Variants in BEND7 observed in about 807,000 individuals in gnomAD.
BEND7 encodes BEN domain containing 7, also known as BEN domain-containing protein 7.
A neutral mutation model predicts 50.9 loss-of-function variants in BEND7; 28 were observed. The observed-to-expected ratio is 0.55, with a 90% CI of 0.41 to 0.75. The LOEUF (loss-of-function observed/expected upper bound fraction) is 0.75. Among genes scored for constraint, BEND7 ranks in the 30% least tolerant of loss-of-function variants. The pLI, the probability that BEND7 is intolerant of heterozygous loss-of-function variation, is 0.00. For synonymous variants in BEND7, 170 were observed against 183.9 expected (o/e 0.92, Z 0.61); for missense variants, 477 against 491.3 (o/e 0.97, Z 0.28).
chr10:13,510,841 G>GTGGT (rs898406313), intron 2 of BEND7, among the ~76,000 whole-genome samples: 1 of 152,094 alleles, frequency 6.6e-6, no homozygotes, highest in Non-Finnish European at 1.5e-5. Flanking sequence ...ATTGGTAATA[G>GTGGT]TGGTTATCAC....
chr10:13,528,341 G>A lies in BEND7; in HGVS notation c.61+132C>T, dbSNP rs567995353. The A allele has an allele frequency of 3.5e-3, 857 of 241,596 alleles. 1 individual carries two copies. The highest frequency in any genetic ancestry group is 4.8e-3 in the Non-Finnish European group (727 of 150,496). 15.0% of individuals were successfully genotyped at this position (241,596 alleles called of 1,614,324 possible). A position where few individuals can be genotyped will look rare whatever the true frequency, so the allele number is the denominator to read the frequency against. ...TGTGCGGCCGCGGCCCTGCCTGCCA[G>A]CCCGGCGGAGGCACCGGGGGACCGG... is the stretch of plus-strand genomic sequence containing the variant. On this transcript the variant is annotated intron_variant, in intron 1 of 8. Coordinates refer to ENST00000466271, the MANE Select transcript of BEND7 (RefSeq NM_001369863.1).
chr10:13,491,464 C>T (rs369960113), intron 5 of BEND7, among the ~76,000 whole-genome samples: 1 of 151,706 alleles, frequency 6.6e-6, no homozygotes, highest in African/African-American at 2.4e-5. Context: ...ATTGCATGAG[C>T]TGACTGGTCC....
chr10:13,470,884 G>A (rs528409519), intron 6 of BEND7, among the ~76,000 whole-genome samples: 2 of 152,304 alleles, frequency 1.3e-5, no homozygotes, highest in African/African-American at 4.8e-5. Context: ...AAGTTGCTGA[G>A]GACTTAAGGT....
chr10:13,499,895 G>T lies in BEND7; in HGVS notation c.331C>A (p.Pro111Thr). 1 of 1,614,168 alleles carries T rather than the reference G, an allele frequency of 6.2e-7. No homozygotes were observed. The highest frequency in any genetic ancestry group is 1.6e-4 in the Middle Eastern group (1 of 6,062). The change falls in exon 3 of 9, where the codon CCG becomes ACG. Residue 111 changes from proline to threonine, a missense_variant. Transcript: ENST00000466271. The part of the protein sequence containing the change: ...SSAEAPQSLH[P>T]SSRGVWNELP... The stretch of plus-strand genomic sequence containing the variant: ...TCATTCCACACACCACGTGAAGACG[G>T]GTGGAGGCTTTGCGGGGCCTCAGCA...
At chr10:13,447,859 A>C (rs1588626960) in intron 7 of BEND7, among the ~76,000 whole-genome samples, 1 of 152,194 alleles carries the variant, frequency 6.6e-6, no homozygotes, top group Admixed American at 6.5e-5. Context: ...ACTTATTTAC[A>C]TAGGCTTGAA....
intron 6 of BEND7, among the ~76,000 whole-genome samples, chr10:13,477,608 G>A (rs937048472): frequency 7.9e-5 from 12 of 152,168 alleles, no homozygotes; most frequent in Non-Finnish European, 1.3e-4. Context: ...ATACAGTAAA[G>A]AAAAATGTAT....
intron 2 of BEND7, among the ~76,000 whole-genome samples, chr10:13,503,776 G>A (rs1415885957): frequency 1.3e-5 from 2 of 152,232 alleles, no homozygotes; most frequent in African/African-American, 4.8e-5. Context: ...TGCAGTAACT[G>A]CAGAAGTCTG....
chr10:13,528,372 A>C, intron 1 of BEND7, 101 bp downstream of exon 1: 1 of 441,324 alleles, frequency 2.3e-6, no homozygotes, highest in Non-Finnish European at 3.0e-6. Context: ...ACCGGGAAGG[A>C]CCGGGGGCTC....
At position 13,526,451 on chromosome 10, in the gene BEND7, G is replaced by A. The variant is rs139433322; in HGVS notation, c.62-230C>T. On this transcript the variant is annotated intron_variant, in intron 1 of 8. Coordinates refer to ENST00000466271, the MANE Select transcript of BEND7 (RefSeq NM_001369863.1). ...TACTTTGGCTTTAGAAGACAGCTTT[G>A]CTTGATCACACCATGTTCACGGTAA... Among the ~76,000 whole-genome samples, 357 of 152,324 alleles carry A rather than the reference G, an allele frequency of 2.3e-3. 1 individual carries two copies. Among genetic ancestry groups the A allele is most frequent in the African/African-American group, 8.4e-3 (350 of 41,566 alleles).
intron 6 of BEND7, among the ~76,000 whole-genome samples, chr10:13,460,409 A>AC: frequency 6.6e-6 from 1 of 152,340 alleles, no homozygotes; most frequent in South Asian, 2.1e-4. Context: ...AGAGCATTTT[A>AC]AACAGGTTGG....
intron 6 of BEND7, among the ~76,000 whole-genome samples, chr10:13,479,313 A>G (rs917399442): frequency 6.6e-6 from 1 of 152,094 alleles, no homozygotes; most frequent in Admixed American, 6.6e-5. Context: ...CTGGCCTGTA[A>G]TATACTTTTT....
chr10:13,455,891 A>G (rs1838852431), intron 6 of BEND7, among the ~76,000 whole-genome samples: 1 of 152,166 alleles, frequency 6.6e-6, no homozygotes, highest in African/African-American at 2.4e-5. Context: ...AGCAGACCAC[A>G]GACAACTAAT....
In BEND7 at chr10:13,470,203, A is replaced by G. The variant is rs751206817; in HGVS notation, c.1063+10696T>C. ...GCAGAAAACACTGCTTTCTATTTTC[A>G]GGGCCACAGCTGGCACATATGGAGC... On this transcript the variant is annotated intron_variant, in intron 6 of 8. Coordinates refer to ENST00000466271, the MANE Select transcript of BEND7 (RefSeq NM_001369863.1). Among the ~76,000 whole-genome samples, 14 of 152,358 alleles carry G rather than the reference A, an allele frequency of 9.2e-5. 1 individual carries two copies. The highest frequency in any genetic ancestry group is 8.3e-4 in the South Asian group (4 of 4,824).
chr10:13,458,018 T>C (rs1195398777), intron 6 of BEND7, among the ~76,000 whole-genome samples: 1 of 152,210 alleles, frequency 6.6e-6, no homozygotes, highest in African/African-American at 2.4e-5. Flanking sequence ...TGAAATAAGA[T>C]CAACAATTAA....
chr10:13,495,840 G>A (rs981593543), intron 4 of BEND7, among the ~76,000 whole-genome samples: 17 of 152,098 alleles, frequency 1.1e-4, no homozygotes, highest in African/African-American at 2.7e-4. Context: ...ACGACCTTCC[G>A]GACTACCATC....
chr10:13,520,191 G>A (rs146600529), intron 2 of BEND7, among the ~76,000 whole-genome samples: 3 of 152,182 alleles, frequency 2.0e-5, no homozygotes, highest in African/African-American at 7.2e-5. Context: ...TATAAAAGTA[G>A]AAATGACAAT....
intron 2 of BEND7, among the ~76,000 whole-genome samples, chr10:13,517,655 A>C (rs1023821762): frequency 6.6e-6 from 1 of 152,156 alleles, no homozygotes; most frequent in Non-Finnish European, 1.5e-5. Flanking sequence ...TGGGAGGCTG[A>C]GTACCTTGAG....
chr10:13,503,239 G>C (rs1050726868), intron 2 of BEND7, among the ~76,000 whole-genome samples: 1 of 152,208 alleles, frequency 6.6e-6, no homozygotes, highest in African/African-American at 2.4e-5. Context: ...GCCGTGTGCA[G>C]AAACATGTCT....
intron 2 of BEND7, among the ~76,000 whole-genome samples, chr10:13,517,881 C>G (rs1267259785): frequency 6.6e-6 from 1 of 152,246 alleles, no homozygotes; most frequent in African/African-American, 2.4e-5. Context: ...TCCCCTGCTA[C>G]TGCTGAGGCA....
Sources: gnomAD v4.1 joint callset for allele counts (sites outside exome capture counted in the v4.1 genomes callset) on GRCh38, gnomAD v4.1.1 for gene constraint, MANE v1.5 for transcripts, NCBI Gene and HGNC (gene_info 2026-07-23, HGNC 2026-07-21) for gene names.